The following APAF1 variants were observed in gnomAD, a reference collection of about 807,000 sequenced individuals.
The protein encoded by APAF1 is apoptotic protease-activating factor 1.
Under a neutral mutation model 152.4 loss-of-function variants are expected in APAF1, and 91 were observed. That is an observed-to-expected ratio of 0.60 (90% CI 0.50 to 0.71). APAF1 has a LOEUF of 0.71. Among genes scored for constraint, APAF1 ranks in the 30% least tolerant of loss-of-function variants. The pLI, the probability that APAF1 is intolerant of heterozygous loss-of-function variation, is 0.00. For synonymous variants in APAF1, 484 were observed against 494.1 expected (o/e 0.98, Z 0.27); for missense variants, 1,283 against 1,472.0 (o/e 0.87, Z 2.10).
chr12:98,704,995 G>C (rs1206913820), intron 18 of APAF1, among the ~76,000 whole-genome samples: 1 of 151,934 alleles, frequency 6.6e-6, no homozygotes, highest in Non-Finnish European at 1.5e-5. Context: ...TGTTGGCCAG[G>C]GTGGTCTCGA....
rs1332731854 is a variant in APAF1, at chr12:98,735,320, ACT to A, written c.*2757_*2758del. 1 of 402,270 alleles carries A rather than the reference ACT, an allele frequency of 2.5e-6. No individual in the cohort carries two copies. Among genetic ancestry groups the A allele is most frequent in the Non-Finnish European group, 4.4e-6 (1 of 228,362 alleles). The allele number at this position is 402,270 out of a possible 1,614,324, so 24.9% of individuals were successfully genotyped here. ...TTATATGTCTCTTGTATGTTTTGAA[ACT>A]CTTGTATTTATGATATAGCTTATAT... On this transcript the variant is annotated 3_prime_UTR_variant, in exon 27 of 27. Transcript: ENST00000551964.
chr12:98,672,408 G>T (rs980764385), intron 12 of APAF1, among the ~76,000 whole-genome samples: 1 of 152,126 alleles, frequency 6.6e-6, no homozygotes, highest in African/African-American at 2.4e-5. Context: ...CAAGTGAGCT[G>T]CATGCCTCGG....
At chr12:98,722,649 C>T (rs2097744609) in intron 22 of APAF1, among the ~76,000 whole-genome samples, 1 of 152,116 alleles carries the variant, frequency 6.6e-6, no homozygotes, top group African/African-American at 2.4e-5. Context: ...CCTGAAGCTC[C>T]ACATGAAAAA....
chr12:98,676,417 C>T (rs1355805681), intron 12 of APAF1, among the ~76,000 whole-genome samples: 2 of 151,956 alleles, frequency 1.3e-5, no homozygotes, highest in Non-Finnish European at 2.9e-5. Context: ...CCATGTTGGC[C>T]AAGCTCATCT....
Position 98,727,245 on chromosome 12 carries a change from G to A in APAF1, c.3529G>A (p.Gly1177Arg), listed in dbSNP as rs767913331. The A allele has an allele frequency of 6.2e-7, 1 of 1,614,036 alleles. No individual in the cohort carries two copies. Among genetic ancestry groups the A allele is most frequent in the Non-Finnish European group, 8.5e-7 (1 of 1,179,900 alleles). Residue 1177 changes from glycine to arginine, a missense_variant, in exon 26 of 27, where the codon GGA becomes AGA. Physicochemically the swap from Gly to Arg is moderately radical, Grantham distance 125 (BLOSUM62 -2). Transcript: ENST00000551964. ...TTCAGAAGAAGGAGCTGCTACCCAT[G>A]GAGGCTGGGTGACTGACCTTTGCTT... is the stretch of plus-strand genomic sequence containing the variant. ...PLSEEGAATH[G>R]GWVTDLCFSP...
At chr12:98,715,155 GTTCCTACTGC>G (rs2097732708) in intron 21 of APAF1, among the ~76,000 whole-genome samples, 1 of 140,614 alleles carries the variant, frequency 7.1e-6, no homozygotes, top group Non-Finnish European at 1.5e-5. Context: ...AGGACCACTG[GTTCCTACTGC>G]TGTCTGATGA....
chr12:98,719,966 A>G (rs750944458), intron 22 of APAF1, among the ~76,000 whole-genome samples: 22 of 152,184 alleles, frequency 1.4e-4, no homozygotes, highest in Non-Finnish European at 3.1e-4. Context: ...TATGATTGCA[A>G]TGAAATTTGG....
At chr12:98,699,629 T>G in intron 17 of APAF1, 60 bp downstream of exon 17, 1 of 1,584,642 alleles carries the variant, frequency 6.3e-7, no homozygotes, top group Non-Finnish European at 8.7e-7. Flanking sequence ...CTTCTGTTCA[T>G]TTTTGCATTT....
chr12:98,652,198 C>T (rs2097649840), intron 4 of APAF1, among the ~76,000 whole-genome samples: 1 of 152,132 alleles, frequency 6.6e-6, no homozygotes, highest in South Asian at 2.1e-4. Context: ...AGTGATGCTC[C>T]CGCCTTGGCC....
At chr12:98,679,424 A>C (rs1290702389) in intron 13 of APAF1, among the ~76,000 whole-genome samples, 2 of 152,184 alleles carry the variant, frequency 1.3e-5, no homozygotes, top group Non-Finnish European at 2.9e-5. Flanking sequence ...TTTATCGCTC[A>C]ATAAAGCTCC....
chr12:98,658,995 T>A (rs1487738449), intron 4 of APAF1, among the ~76,000 whole-genome samples, 165 bp from the exon 5 acceptor site: 1 of 152,218 alleles, frequency 6.6e-6, no homozygotes, highest in African/African-American at 2.4e-5. Context: ...ATTCAGGATA[T>A]AAAGCCTACC....
chr12:98,732,326 G>A (rs145363348), intron 26 of APAF1, 94 bp from the exon 27 acceptor site: 95 of 1,121,320 alleles, frequency 8.5e-5, no homozygotes, highest in South Asian at 1.1e-4. Context: ...AGTTCGGTTG[G>A]GGGGAGGAGA....
At chr12:98,726,272 A>G (rs910478487) in intron 25 of APAF1, among the ~76,000 whole-genome samples, 12 of 152,234 alleles carry the variant, frequency 7.9e-5, no homozygotes, top group Non-Finnish European at 1.6e-4. Context: ...CCATATGGAA[A>G]GAATTGCATG....
intron 4 of APAF1, among the ~76,000 whole-genome samples, chr12:98,658,317 GTAA>G (rs1339782032): frequency 2.6e-5 from 4 of 152,270 alleles, no homozygotes; most frequent in Non-Finnish European, 4.4e-5. Flanking sequence ...GATGATAACA[GTAA>G]TAATAATCAT....
At chr12:98,693,784 G>A (rs969448983) in intron 16 of APAF1, among the ~76,000 whole-genome samples, 1 of 134,590 alleles carries the variant, frequency 7.4e-6, no homozygotes, top group Non-Finnish European at 1.6e-5. Flanking sequence ...TGGAACACTT[G>A]TTTTTCAGTT....
At chr12:98,674,707 GA>G (rs1355193200) in intron 12 of APAF1, among the ~76,000 whole-genome samples, 1 of 152,152 alleles carries the variant, frequency 6.6e-6, no homozygotes, top group East Asian at 1.9e-4. Flanking sequence ...ATCATAAGGG[GA>G]AAGTTATTTA....
At position 98,725,482 on chromosome 12, in the gene APAF1, C is replaced by T. The variant is rs963014137; in HGVS notation, c.3398C>T (p.Ser1133Phe). 3 of 1,614,182 alleles carry T rather than the reference C, an allele frequency of 1.9e-6. No homozygotes were observed. Among genetic ancestry groups the T allele is most frequent in the Non-Finnish European group, 2.5e-6 (3 of 1,180,040 alleles). ...LRGHNGCVRC[S>F]AFSVDSTLLA... is the part of the protein sequence containing the mutation. ...GGCCACAACGGCTGTGTGCGCTGCT[C>T]TGCCTTCTCTGTGGACAGTACCCTG... The change falls in exon 25 of 27, where the codon TCT (serine) becomes TTT (phenylalanine). Residue 1133 changes from serine (S) to phenylalanine (F), a missense_variant. Transcript: ENST00000551964.
At position 98,725,478 on chromosome 12, in the gene APAF1, TG is replaced by T. The variant is rs777874229; in HGVS notation, c.3395del (p.Cys1132SerfsTer49). ...ELRGHNGCVR[C>X]SAFSVDSTLL... is the part of the protein sequence containing the mutation. ...GAGGGGCCACAACGGCTGTGTGCGCTGCTCTGCCTTCTCTGTGGACAGTACC... is the reference window on the plus strand; with the variant it reads ...GAGGGGCCACAACGGCTGTGTGCGCTCTCTGCCTTCTCTGTGGACAGTACC... On this transcript the variant is annotated frameshift_variant, in exon 25 of 27. Coordinates refer to ENST00000551964, the MANE Select transcript of APAF1 (RefSeq NM_181861.2). LOFTEE classifies it high-confidence loss of function. The T allele has an allele frequency of 6.2e-7, 1 of 1,614,200 alleles. No homozygotes were observed. Among genetic ancestry groups the T allele is most frequent in the Admixed American group, 1.7e-5 (1 of 60,030 alleles).
Position 98,662,438 on chromosome 12 carries a change from A to G in APAF1, c.711-18A>G, listed in dbSNP as rs766941395. 2.8e-6 allele frequency: 4 copies of G among 1,453,514 alleles called. No individual in the cohort carries two copies. The South Asian group carries it at 3.5e-5, about 13-fold the overall frequency. The allele number at this position is 1,453,514 out of a possible 1,614,324, so 90.0% of individuals were successfully genotyped here. Reference sequence around the variant, plus strand: ...AAGATAAGTGTCATTAGTGATTAATATTTTTTTTTTAAATTAGGTCTCTCT... The same window carrying G: ...AAGATAAGTGTCATTAGTGATTAATGTTTTTTTTTTAAATTAGGTCTCTCT... On this transcript the variant is annotated intron_variant, in intron 5 of 26. Transcript: ENST00000551964.
Sources: gnomAD v4.1 joint callset for allele counts (sites outside exome capture counted in the v4.1 genomes callset) on GRCh38, gnomAD v4.1.1 for gene constraint, MANE v1.5 for transcripts, NCBI Gene and HGNC (gene_info 2026-07-23, HGNC 2026-07-21) for gene names.